The following GAS2 variants were observed in gnomAD, a reference collection of about 807,000 sequenced individuals.
GAS2 encodes growth arrest-specific protein 2.
Under a neutral mutation model 37.5 loss-of-function variants are expected in GAS2, and 20 were observed. The ratio of observed to expected loss-of-function variants is 0.53; its 90% CI spans 0.37 to 0.77. GAS2 has a LOEUF of 0.77. Among genes scored for constraint, GAS2 ranks in the 30% least tolerant of loss-of-function variants. The pLI is 0.00. For synonymous variants in GAS2, 144 were observed against 132.2 expected (o/e 1.09, Z -0.61); for missense variants, 336 against 373.4 (o/e 0.90, Z 0.82).
intron 7 of GAS2, among the ~76,000 whole-genome samples, chr11:22,810,112 T>C (rs180884139): frequency 2.6e-5 from 4 of 152,290 alleles, no homozygotes; most frequent in Admixed American, 2.6e-4. Flanking sequence ...AAAGCTTTAT[T>C]CGGGTGCTGC....
chr11:22,810,144 G>A (rs1012372527), intron 7 of GAS2, among the ~76,000 whole-genome samples: 3 of 152,172 alleles, frequency 2.0e-5, no homozygotes, highest in Admixed American at 6.5e-5. Flanking sequence ...TAGGTGATCA[G>A]TCTCAAATCC....
chr11:22,737,628 G>A (rs1416924585), intron 4 of GAS2, 77 bp from the exon 5 acceptor site: 2 of 1,330,370 alleles, frequency 1.5e-6, no homozygotes, highest in Non-Finnish European at 2.2e-6. Context: ...GAGGAATGAG[G>A]GTCATTGGCA....
At chr11:22,715,929 T>C (rs1851656612) in intron 3 of GAS2, among the ~76,000 whole-genome samples, 1 of 152,006 alleles carries the variant, frequency 6.6e-6, no homozygotes, top group African/African-American at 2.4e-5. Context: ...CTGATGACCA[T>C]AGATGAAAAA....
chr11:22,711,061 C>T (rs1161358592), intron 3 of GAS2, among the ~76,000 whole-genome samples: 1 of 152,130 alleles, frequency 6.6e-6, no homozygotes, highest in African/African-American at 2.4e-5. Context: ...AGGAACAAAT[C>T]AGGAAAACAG....
intron 3 of GAS2, among the ~76,000 whole-genome samples, chr11:22,718,316 T>G (rs752826033): frequency 9.9e-5 from 15 of 151,976 alleles, no homozygotes; most frequent in South Asian, 2.1e-4. Flanking sequence ...ATATGTATCA[T>G]GGAATACTAC....
intron 1 of GAS2, among the ~76,000 whole-genome samples, chr11:22,649,722 T>C (rs1449593281): frequency 6.6e-6 from 1 of 152,196 alleles, no homozygotes. Flanking sequence ...TTTGTAGTAT[T>C]CTCTGACGGT....
At chr11:22,760,189 C>A (rs983464999) in intron 7 of GAS2, among the ~76,000 whole-genome samples, 3 of 151,310 alleles carry the variant, frequency 2.0e-5, no homozygotes, top group Non-Finnish European at 4.4e-5. Flanking sequence ...TCATATTGGC[C>A]AGGCTGGCTT....
intron 3 of GAS2, among the ~76,000 whole-genome samples, chr11:22,700,916 G>A (rs1850806225): frequency 6.6e-6 from 1 of 152,140 alleles, no homozygotes; most frequent in Non-Finnish European, 1.5e-5. Context: ...TACTAGAGGA[G>A]ACATAAAGAT....
At chr11:22,672,444 T>A (rs565072576) in intron 1 of GAS2, 3 of 152,302 alleles carry the variant, frequency 2.0e-5, no homozygotes, top group Non-Finnish European at 4.4e-5. Context: ...AATTGTTACA[T>A]GCCATTAGGC....
chr11:22,674,025 A>C (rs532930820), intron 1 of GAS2, among the ~76,000 whole-genome samples: 6 of 152,240 alleles, frequency 3.9e-5, no homozygotes, highest in Non-Finnish European at 7.3e-5. Flanking sequence ...CACCTCTGGC[A>C]GCATTTGTTA....
At chr11:22,683,788 A>G (rs10741948) in intron 2 of GAS2, among the ~76,000 whole-genome samples, 84,456 of 151,850 alleles carry the variant, frequency 0.56, 26,057 homozygotes, top group East Asian at 0.76. Context: ...CACATTTACT[A>G]GGTGCCTAGT....
intron 2 of GAS2, among the ~76,000 whole-genome samples, chr11:22,678,469 G>A (rs551000134): frequency 1.3e-3 from 197 of 152,076 alleles, no homozygotes; most frequent in African/African-American, 4.6e-3. Flanking sequence ...GAGATAAAAC[G>A]TAAAAAACAT....
rs547296884 is a variant in GAS2 at position 22,644,751 on chromosome 11, A to T, written c.-21+18938A>T. 2.0e-5 allele frequency among the ~76,000 whole-genome samples: 3 copies of T among 152,190 alleles called. No homozygotes were observed. The South Asian group carries it at 6.2e-4, about 32-fold the overall frequency. ...ATTCTCATGCTTCATCCTGCCAAGT[A>T]TCTGGGACTATAGGCATGCACCACC... On this transcript the variant is annotated intron_variant, in intron 1 of 5. Coordinates refer to the GAS2 transcript ENST00000528582.
intron 3 of GAS2, 27 bp downstream of exon 3, chr11:22,685,816 T>G: frequency 6.3e-6 from 10 of 1,590,488 alleles, no homozygotes; most frequent in Non-Finnish European, 8.5e-6. Context: ...CAAAAATCAC[T>G]CTTAGGTGGT....
chr11:22,754,044 G>T (rs1488763499), intron 6 of GAS2, among the ~76,000 whole-genome samples: 1 of 151,972 alleles, frequency 6.6e-6, no homozygotes, highest in East Asian at 1.9e-4. Flanking sequence ...TAGTGTTGGG[G>T]TGAATGTATC....
Position 22,708,054 on chromosome 11 carries a change from T to C in GAS2, c.268-18238T>C, listed in dbSNP as rs562142031. ...AAGGTTCAGGGTAATTGAAGAGATATTCATTGGAAAACAACAATGAGCTAG... is the reference window on the plus strand; with the variant it reads ...AAGGTTCAGGGTAATTGAAGAGATACTCATTGGAAAACAACAATGAGCTAG... On this transcript the variant is annotated intron_variant, in intron 3 of 7. Transcript: ENST00000454584. Among the ~76,000 whole-genome samples the C allele has an allele frequency of 5.4e-4, 82 of 151,558 alleles. No individual in the cohort carries two copies. The South Asian group carries it at 0.011, about 20-fold the overall frequency.
In GAS2 at chr11:22,708,702, A is replaced by G. The variant is rs914325656; in HGVS notation, c.268-17590A>G. Among the ~76,000 whole-genome samples the G allele has an allele frequency of 2.6e-5, 4 of 152,314 alleles. No homozygotes were observed. In the East Asian group the frequency reaches 7.7e-4, roughly 29 times the overall value. On this transcript the variant is annotated intron_variant, in intron 3 of 7. Transcript: ENST00000454584. ...AGTAATATTTGATAGGTATTACACT[A>G]GGTGCTAGGAATAAGGTGGTGAACA...
intron 7 of GAS2, among the ~76,000 whole-genome samples, chr11:22,765,681 A>C (rs1447149421): frequency 6.6e-6 from 1 of 152,012 alleles, no homozygotes; most frequent in Non-Finnish European, 1.5e-5. Context: ...TGGGAGGCTG[A>C]GACAGGAGAA....
chr11:22,762,294 G>T (rs887485310), intron 7 of GAS2, among the ~76,000 whole-genome samples: 2 of 152,044 alleles, frequency 1.3e-5, no homozygotes, highest in Non-Finnish European at 2.9e-5. Flanking sequence ...AATAAGGATC[G>T]TTTGTTCCAG....
Sources: allele counts gnomAD v4.1 joint callset (sites outside exome capture counted in the v4.1 genomes callset), GRCh38; gene constraint gnomAD v4.1.1; transcripts MANE v1.5; gene names NCBI Gene and HGNC (gene_info 2026-07-23, HGNC 2026-07-21).